Variants in ERBB4 observed in about 807,000 individuals in gnomAD.
ERBB4 encodes the protein receptor tyrosine-protein kinase erbB-4.
Under a neutral mutation model 158.0 loss-of-function variants are expected in ERBB4, and 42 were observed. The observed-to-expected ratio is 0.27, with a 90% CI of 0.21 to 0.34. The LOEUF is 0.34. ERBB4 is among the 10% of genes least tolerant of loss of function. The pLI is 1.00. For missense variants in ERBB4, 1,333 were observed against 1,624.1 expected, an observed-to-expected ratio of 0.82 and a Z score of 3.08; for synonymous variants, 583 against 558.7, an observed-to-expected ratio of 1.04 and a Z score of -0.61.
chr2:211,520,580 ATT>A (rs2066160191), intron 20 of ERBB4, among the ~76,000 whole-genome samples: 1 of 152,100 alleles, frequency 6.6e-6, no homozygotes, highest in South Asian at 2.1e-4. Flanking sequence ...ACCCTACAGT[ATT>A]TATTATCTGG....
chr2:211,809,088 CTTCCTCTT>C (rs935826539), intron 3 of ERBB4, among the ~76,000 whole-genome samples: 29 of 152,218 alleles, frequency 1.9e-4, no homozygotes, highest in Non-Finnish European at 4.4e-5. Context: ...GACAATTTGA[CTTCCTCTT>C]TTCCTAATTG....
At chr2:212,305,071 T>C (rs1311993617) in intron 1 of ERBB4, among the ~76,000 whole-genome samples, 1 of 151,400 alleles carries the variant, frequency 6.6e-6, no homozygotes, top group East Asian at 1.9e-4. Flanking sequence ...TTGAAACTTA[T>C]GAATGCCCAA....
intron 25 of ERBB4, among the ~76,000 whole-genome samples, chr2:211,414,574 A>T: frequency 6.6e-6 from 1 of 151,998 alleles, no homozygotes; most frequent in African/African-American, 2.4e-5. Flanking sequence ...CATGAGATAT[A>T]ATCAGGCAAT....
intron 5 of ERBB4, among the ~76,000 whole-genome samples, chr2:211,748,820 G>A (rs2075046018): frequency 6.6e-6 from 1 of 152,106 alleles, no homozygotes; most frequent in South Asian, 2.1e-4. Flanking sequence ...CAGTCTCTTT[G>A]GTTACTTTCC....
At chr2:211,660,564 T>G (rs2071386504) in intron 15 of ERBB4, among the ~76,000 whole-genome samples, 1 of 152,194 alleles carries the variant, frequency 6.6e-6, no homozygotes, top group African/African-American at 2.4e-5. Context: ...TAATTTCAGT[T>G]TTGTGTATCT....
At chr2:212,211,770 CT>C (rs1424566744) in intron 1 of ERBB4, among the ~76,000 whole-genome samples, 2 of 151,894 alleles carry the variant, frequency 1.3e-5, no homozygotes, top group African/African-American at 4.8e-5. Flanking sequence ...ATTGTTCCCC[CT>C]CTCTGTGTCT....
intron 1 of ERBB4, among the ~76,000 whole-genome samples, chr2:212,162,450 T>C (rs1168750416): frequency 6.6e-6 from 1 of 151,882 alleles, no homozygotes; most frequent in Non-Finnish European, 1.5e-5. Context: ...GAGGGAACTT[T>C]GTAGGTGACA....
In ERBB4 at chr2:211,861,029, AATATAATATATT is replaced by A. The variant is rs1559585235; in HGVS notation, c.422-72882_422-72871del. ...ATATTTATATATTTATATATATATA[AATATAATATATT>A]TATATATTTATATATATATAAATAT... is the stretch of plus-strand genomic sequence containing the variant. On this transcript the variant is annotated intron_variant, in intron 3 of 27. Coordinates refer to ENST00000342788, the MANE Select transcript of ERBB4 (RefSeq NM_005235.3). Among the ~76,000 whole-genome samples, 51 of 8,156 alleles carry A rather than the reference AATATAATATATT, an allele frequency of 6.3e-3. 5 individuals are homozygous for A. Among genetic ancestry groups the A allele is most frequent in the Non-Finnish European group, 8.9e-3 (46 of 5,160 alleles). The allele number at this position is 8,156 out of a possible 152,430, so 5.4% of individuals were successfully genotyped here. A position where few individuals can be genotyped will look rare whatever the true frequency, so the allele number is the denominator to read the frequency against.
At chr2:212,020,283 G>A (rs2076620153) in intron 2 of ERBB4, among the ~76,000 whole-genome samples, 1 of 151,886 alleles carries the variant, frequency 6.6e-6, no homozygotes, top group Non-Finnish European at 1.5e-5. Flanking sequence ...AAAAAAAATA[G>A]ACTCAATATG....
chr2:211,841,345 A>C lies in ERBB4; in HGVS notation c.422-53186T>G, dbSNP rs149558401. Among the ~76,000 whole-genome samples, 349 of 152,204 alleles carry C rather than the reference A, an allele frequency of 2.3e-3. 2 individuals are homozygous for C. Among genetic ancestry groups the C allele is most frequent in the African/African-American group, 8.1e-3 (337 of 41,568 alleles). On this transcript the variant is annotated intron_variant, in intron 3 of 27. Coordinates refer to ENST00000342788, the MANE Select transcript of ERBB4 (RefSeq NM_005235.3). ...AGTCAAAATTAACTTTTACAACTGT[A>C]ACAATGTCAACCAAAATTCATCAAG...
chr2:211,708,877 G>A (rs1231316589), intron 9 of ERBB4, among the ~76,000 whole-genome samples: 8 of 151,986 alleles, frequency 5.3e-5, no homozygotes, highest in East Asian at 1.9e-4. Context: ...CAAACCCTCC[G>A]TGGTGGAGCT....
intron 1 of ERBB4, among the ~76,000 whole-genome samples, chr2:212,312,645 T>C (rs2087100974): frequency 6.6e-6 from 1 of 150,902 alleles, no homozygotes; most frequent in East Asian, 2.0e-4. Context: ...AATCCAAATA[T>C]ATTCAGAAAA....
chr2:212,175,471 T>C (rs938268311), intron 1 of ERBB4, among the ~76,000 whole-genome samples: 1 of 151,982 alleles, frequency 6.6e-6, no homozygotes, highest in Non-Finnish European at 1.5e-5. Flanking sequence ...TACCATGTAC[T>C]AGATTTTCTA....
Position 211,807,827 on chromosome 2 carries a change from G to T in ERBB4, c.422-19668C>A, listed in dbSNP as rs1420379670. The stretch of plus-strand genomic sequence containing the variant: ...TTTAATGATCTCCATTGTAACTGGT[G>T]TGAGATGGTATCTCATTGTGGTTTT... On this transcript the variant is annotated intron_variant, in intron 3 of 27. Transcript: ENST00000342788. Among the ~76,000 whole-genome samples the T allele has an allele frequency of 1.1e-4, 17 of 152,176 alleles. 1 individual carries two copies. The highest frequency in any genetic ancestry group is 8.8e-5 in the Non-Finnish European group (6 of 68,032).
intron 1 of ERBB4, among the ~76,000 whole-genome samples, chr2:212,166,923 C>A (rs2081363257): frequency 6.6e-6 from 1 of 152,132 alleles, no homozygotes; most frequent in Non-Finnish European, 1.5e-5. Context: ...CTTCCTTACA[C>A]CTTATACAAA....
chr2:211,528,761 G>A (rs1201661939), intron 20 of ERBB4, among the ~76,000 whole-genome samples: 1 of 151,792 alleles, frequency 6.6e-6, no homozygotes, highest in Non-Finnish European at 1.5e-5. Context: ...AATGACCAGT[G>A]GGTCGATGAA....
intron 3 of ERBB4, among the ~76,000 whole-genome samples, chr2:211,875,034 A>AAAAAAAAAAAAAAAAAAAAAAAAAAT (rs2078457712): frequency 7.8e-6 from 1 of 127,900 alleles, no homozygotes; most frequent in African/African-American, 2.6e-5. Context: ...GCAAAAAAAA[A>AAAAAAAAAAAAAAAAAAAAAAAAAAT]AAAAAAAAAA....
chr2:211,776,180 A>G (rs1002965222), intron 4 of ERBB4, among the ~76,000 whole-genome samples: 1 of 152,154 alleles, frequency 6.6e-6, no homozygotes, highest in African/African-American at 2.4e-5. Flanking sequence ...TTTGTAGTAC[A>G]TTTGATTTCA....
At chr2:211,422,999 T>C (rs1409688474) in intron 23 of ERBB4, among the ~76,000 whole-genome samples, 3 of 151,850 alleles carry the variant, frequency 2.0e-5, no homozygotes, top group Non-Finnish European at 4.4e-5. Context: ...ATTCTGGGAA[T>C]TTTTTGGGTG....
Sources: allele counts gnomAD v4.1 joint callset (sites outside exome capture counted in the v4.1 genomes callset), GRCh38; gene constraint gnomAD v4.1.1; transcripts MANE v1.5; gene names NCBI Gene and HGNC (gene_info 2026-07-23, HGNC 2026-07-21).